CNTLN: variants seen among roughly 807,000 people sequenced by gnomAD.
CNTLN encodes centlein, centrosomal protein.
Under a neutral mutation model 180.0 loss-of-function variants are expected in CNTLN, and 212 were observed. The ratio of observed to expected loss-of-function variants is 1.18; its 90% CI spans 1.05 to 1.32. The LOEUF is 1.32. Among genes scored for constraint, CNTLN ranks in the 40% most tolerant of loss-of-function variants. CNTLN has a pLI of 0.00. For missense variants in CNTLN, 2,095 were observed against 1,610.9 expected, an observed-to-expected ratio of 1.30 and a Z score of -5.14; for synonymous variants, 722 against 563.1, an observed-to-expected ratio of 1.28 and a Z score of -3.99.
chr9:17,462,785 A>T (rs1588052529), intron 19 of CNTLN, 131 bp from the exon 20 acceptor site: 4 of 411,704 alleles, frequency 9.7e-6, no homozygotes, highest in South Asian at 1.6e-4. Context: ...TAAAATATTA[A>T]AATATTCATT....
intron 2 of CNTLN, among the ~76,000 whole-genome samples, chr9:17,201,416 C>A (rs1175852953): frequency 6.6e-6 from 1 of 152,168 alleles, no homozygotes; most frequent in East Asian, 1.9e-4. Context: ...ATGGTACCAG[C>A]TCCTCTTTGT....
intron 15 of CNTLN, among the ~76,000 whole-genome samples, chr9:17,408,004 G>T (rs1381376868): frequency 6.6e-6 from 1 of 151,714 alleles, no homozygotes; most frequent in Non-Finnish European, 1.5e-5. Context: ...GTGGGCACCT[G>T]TAATCCCAGC....
intron 18 of CNTLN, among the ~76,000 whole-genome samples, chr9:17,445,431 A>G (rs1251667345): frequency 6.6e-6 from 1 of 152,102 alleles, no homozygotes; most frequent in African/African-American, 2.4e-5. Context: ...AGGAGACTCC[A>G]TTTTGTTCTG....
chr9:17,334,782 G>C (rs2133148282), intron 10 of CNTLN, among the ~76,000 whole-genome samples: 1 of 152,126 alleles, frequency 6.6e-6, no homozygotes, highest in Non-Finnish European at 1.5e-5. Flanking sequence ...AGGGAGCAAG[G>C]GCTATAAACC....
At chr9:17,295,140 C>T (rs1817780691) in intron 6 of CNTLN, among the ~76,000 whole-genome samples, 1 of 151,806 alleles carries the variant, frequency 6.6e-6, no homozygotes, top group Admixed American at 6.6e-5. Context: ...GGCCGCCAAG[C>T]CCACGCCCAC....
chr9:17,385,807 G>A (rs747630204), intron 13 of CNTLN, among the ~76,000 whole-genome samples: 4 of 152,088 alleles, frequency 2.6e-5, no homozygotes, highest in Non-Finnish European at 5.9e-5. Flanking sequence ...CTATACAGGA[G>A]GATGTGCATA....
chr9:17,233,803 T>C (rs1031168177), intron 3 of CNTLN, among the ~76,000 whole-genome samples: 3 of 152,144 alleles, frequency 2.0e-5, no homozygotes, highest in Non-Finnish European at 4.4e-5. Flanking sequence ...ATGTGTAATA[T>C]GATTTAAGTT....
At chr9:17,161,810 A>G (rs1051090133) in intron 2 of CNTLN, among the ~76,000 whole-genome samples, 6 of 152,212 alleles carry the variant, frequency 3.9e-5, no homozygotes, top group African/African-American at 1.4e-4. Flanking sequence ...CTACTGTTAC[A>G]AATAATCTCA....
chr9:17,248,443 A>G (rs1825933168), intron 5 of CNTLN, among the ~76,000 whole-genome samples: 1 of 151,508 alleles, frequency 6.6e-6, no homozygotes, highest in Non-Finnish European at 1.5e-5. Flanking sequence ...TTCTTGAGTC[A>G]GTTTAGGTAA....
intron 13 of CNTLN, among the ~76,000 whole-genome samples, chr9:17,368,622 C>A (rs1423316009): frequency 6.6e-6 from 1 of 152,152 alleles, no homozygotes; most frequent in Non-Finnish European, 1.5e-5. Flanking sequence ...ATTTGTCACT[C>A]CATCCCCAGC....
chr9:17,521,907 T>C, the CNTLN span, among the ~76,000 whole-genome samples: 1 of 152,198 alleles, frequency 6.6e-6, no homozygotes, highest in African/African-American at 2.4e-5. Flanking sequence ...ATTTCAAAGA[T>C]TTTATTTTTT....
intron 25 of CNTLN, among the ~76,000 whole-genome samples, chr9:17,496,395 T>C (rs4581150): frequency 0.35 from 52,595 of 151,946 alleles, 9,583 homozygotes; most frequent in East Asian, 0.51. Flanking sequence ...GTCTTCTCAT[T>C]GTATTCTCAC....
chr9:17,169,486 T>C (rs769214700), intron 2 of CNTLN, among the ~76,000 whole-genome samples: 7 of 152,232 alleles, frequency 4.6e-5, no homozygotes, highest in Non-Finnish European at 1.0e-4. Flanking sequence ...ACAAGACCGA[T>C]GTCAAGGAGC....
chr9:17,296,538 C>T (rs1441300869), intron 6 of CNTLN, among the ~76,000 whole-genome samples: 1 of 152,098 alleles, frequency 6.6e-6, no homozygotes, highest in East Asian at 1.9e-4. Flanking sequence ...GGCCTCCTGG[C>T]TAACGTATCT....
chr9:17,233,110 G>A (rs1157217988), intron 3 of CNTLN, among the ~76,000 whole-genome samples: 1 of 152,032 alleles, frequency 6.6e-6, no homozygotes, highest in Non-Finnish European at 1.5e-5. Flanking sequence ...AATGCAAATA[G>A]TCTTTGACTT....
At chr9:17,185,075 T>G (rs1218846226) in intron 2 of CNTLN, among the ~76,000 whole-genome samples, 1 of 152,216 alleles carries the variant, frequency 6.6e-6, no homozygotes, top group Non-Finnish European at 1.5e-5. Flanking sequence ...TAGAGATTCT[T>G]AAGCTGGTGT....
intron 13 of CNTLN, among the ~76,000 whole-genome samples, chr9:17,367,511 G>C (rs1219560749): frequency 6.6e-6 from 1 of 152,266 alleles, no homozygotes; most frequent in East Asian, 1.9e-4. Flanking sequence ...ACACCAGCCA[G>C]GGCAGCTCAT....
At chr9:17,455,270 A>G (rs914315854) in intron 18 of CNTLN, among the ~76,000 whole-genome samples, 8 of 152,218 alleles carry the variant, frequency 5.3e-5, no homozygotes, top group Non-Finnish European at 1.2e-4. Context: ...CTATGCATAT[A>G]TACCTAACAC....
intron 2 of CNTLN, among the ~76,000 whole-genome samples, chr9:17,169,685 C>T (rs1159355787): frequency 1.3e-5 from 2 of 151,710 alleles, no homozygotes; most frequent in African/African-American, 4.8e-5. Context: ...ATTCTTGGCA[C>T]CTTTGTTGAA....
Sources: gnomAD v4.1 joint callset for allele counts (sites outside exome capture counted in the v4.1 genomes callset) on GRCh38, gnomAD v4.1.1 for gene constraint, MANE v1.5 for transcripts, NCBI Gene and HGNC (gene_info 2026-07-23, HGNC 2026-07-21) for gene names.